Variants in CNTN5 observed in about 807,000 individuals in gnomAD.
CNTN5 encodes the protein contactin-5.
In CNTN5, 77 loss-of-function variants were observed where a neutral mutation model predicts 129.1. The observed-to-expected ratio is 0.60, with a 90% CI of 0.50 to 0.72. CNTN5 has a LOEUF of 0.72. Ranked by LOEUF, CNTN5 falls within the 30% of genes least tolerant of loss-of-function variation. CNTN5 has a pLI of 0.00. For missense variants in CNTN5, 1,478 were observed against 1,328.8 expected, an observed-to-expected ratio of 1.11 and a Z score of -1.75; for synonymous variants, 509 against 465.6, an observed-to-expected ratio of 1.09 and a Z score of -1.20.
intron 13 of CNTN5, among the ~76,000 whole-genome samples, chr11:100,125,302 G>A (rs979671437): frequency 1.3e-5 from 2 of 151,966 alleles, no homozygotes; most frequent in Non-Finnish European, 2.9e-5. Flanking sequence ...ATACCCAGTA[G>A]CTTTTCAACC....
At chr11:99,552,519 G>C (rs1422448833) in intron 2 of CNTN5, among the ~76,000 whole-genome samples, 1 of 152,056 alleles carries the variant, frequency 6.6e-6, no homozygotes, top group Non-Finnish European at 1.5e-5. Flanking sequence ...ACAGGAGGGG[G>C]CTTGCTATTT....
chr11:99,661,906 T>TA (rs1296150017), intron 3 of CNTN5, among the ~76,000 whole-genome samples: 2 of 152,076 alleles, frequency 1.3e-5, no homozygotes, highest in Non-Finnish European at 2.9e-5. Context: ...TCAATTTATG[T>TA]AGAAGCAAGA....
intron 2 of CNTN5, among the ~76,000 whole-genome samples, chr11:99,468,660 T>G (rs1306881372): frequency 6.6e-6 from 1 of 152,092 alleles, no homozygotes; most frequent in Non-Finnish European, 1.5e-5. Context: ...TCACCTTTTT[T>G]TTTTTTGGAA....
In CNTN5 at chr11:99,635,558, C is replaced by T. The variant is rs186764891; in HGVS notation, c.55+79289C>T. ...CCTTTCTGCTTGCCAATTCCTGAGT[C>T]GAGGAAGGTTTTTGTGTTCTGAGTA... On this transcript the variant is annotated intron_variant, in intron 3 of 24. Transcript: ENST00000524871. 1.1e-3 allele frequency among the ~76,000 whole-genome samples: 173 copies of T among 151,914 alleles called. 1 individual carries two copies. The highest frequency in any genetic ancestry group is 2.2e-3 in the Non-Finnish European group (147 of 68,000).
intron 9 of CNTN5, among the ~76,000 whole-genome samples, chr11:100,013,955 C>T (rs560425126): frequency 1.3e-5 from 2 of 152,056 alleles, no homozygotes; most frequent in African/African-American, 2.4e-5. Flanking sequence ...ACTAAGCATG[C>T]TCGTCATGTG....
At position 99,229,528 on chromosome 11, in the gene CNTN5, C is replaced by CAA. The variant is rs72050463; in HGVS notation, c.-209-95805_-209-95804dup. On this transcript the variant is annotated intron_variant, in intron 1 of 24. Transcript: ENST00000524871. ...GATAAAACTAAATCACAATTTTAGA[C>CAA]AAAAAAAAAAAAAAGGACACAGCAG... is the stretch of plus-strand genomic sequence containing the variant. 8.2e-3 allele frequency among the ~76,000 whole-genome samples: 939 copies of CAA among 114,172 alleles called. 11 individuals carry two copies. The highest frequency in any genetic ancestry group is 0.022 in the Middle Eastern group (5 of 226). The allele number at this position is 114,172 out of a possible 152,430, so 74.9% of individuals were successfully genotyped here.
intron 3 of CNTN5, among the ~76,000 whole-genome samples, chr11:99,606,312 CAG>C (rs1406954793): frequency 1.5e-5 from 2 of 130,992 alleles, no homozygotes; most frequent in Middle Eastern, 3.6e-3. Context: ...AACAGACAAA[CAG>C]AGAGCCAAAT....
At chr11:99,876,222 G>T in intron 6 of CNTN5, among the ~76,000 whole-genome samples, 1 of 152,112 alleles carries the variant, frequency 6.6e-6, no homozygotes, top group East Asian at 1.9e-4. Context: ...ATGGATGGTT[G>T]TTCAGGACCT....
At chr11:99,891,551 A>C (rs374065953) in intron 6 of CNTN5, among the ~76,000 whole-genome samples, 1 of 151,458 alleles carries the variant, frequency 6.6e-6, no homozygotes, top group African/African-American at 2.4e-5. Flanking sequence ...TCATTGCTCA[A>C]CTCCCACTTA....
intron 16 of CNTN5, among the ~76,000 whole-genome samples, chr11:100,236,697 T>A (rs1949621009): frequency 6.6e-6 from 1 of 152,084 alleles, no homozygotes; most frequent in South Asian, 2.1e-4. Context: ...GCCTTTCCTC[T>A]GATTGCCTGC....
intron 1 of CNTN5, among the ~76,000 whole-genome samples, chr11:99,163,141 G>A (rs1201676314): frequency 6.6e-6 from 1 of 152,070 alleles, no homozygotes; most frequent in Non-Finnish European, 1.5e-5. Context: ...TGGCTCTTGG[G>A]TAATTGGAAA....
intron 17 of CNTN5, among the ~76,000 whole-genome samples, chr11:100,259,302 C>T (rs1950146547): frequency 1.3e-5 from 2 of 152,198 alleles, no homozygotes; most frequent in South Asian, 4.1e-4. Context: ...AAAGCAAGTC[C>T]TTAGAGATCT....
chr11:99,639,233 A>T (rs980338905), intron 3 of CNTN5, among the ~76,000 whole-genome samples: 2 of 152,176 alleles, frequency 1.3e-5, no homozygotes, highest in Non-Finnish European at 2.9e-5. Flanking sequence ...GCTGGGACAC[A>T]GAGCACCAAG....
At chr11:100,286,864 T>A (rs1190289178) in intron 18 of CNTN5, among the ~76,000 whole-genome samples, 1 of 150,890 alleles carries the variant, frequency 6.6e-6, no homozygotes, top group Non-Finnish European at 1.5e-5. Context: ...TTGAAAAAAA[T>A]TTAGAAGAAT....
intron 3 of CNTN5, among the ~76,000 whole-genome samples, chr11:99,637,553 G>T (rs548583667): frequency 1.3e-5 from 2 of 152,130 alleles, no homozygotes; most frequent in African/African-American, 2.4e-5. Flanking sequence ...ACATATAGGG[G>T]TTACTGAAAA....
chr11:99,860,808 A>G (rs1263622588), intron 6 of CNTN5, among the ~76,000 whole-genome samples: 2 of 151,974 alleles, frequency 1.3e-5, no homozygotes, highest in African/African-American at 2.4e-5. Context: ...TTACATATGA[A>G]TTTTAGAATT....
Position 100,309,531 on chromosome 11 carries a change from T to G in CNTN5, c.2730+1063T>G, listed in dbSNP as rs116955053. ...CTACAATCTTGCTTCAATTAATTAT[T>G]TGGAATGATAATTTAGTATCTCATT... On this transcript the variant is annotated intron_variant, in intron 21 of 24. Coordinates refer to ENST00000524871, the MANE Select transcript of CNTN5 (RefSeq NM_014361.4). 5 of 973,792 alleles carry G rather than the reference T, an allele frequency of 5.1e-6. No individual in the cohort carries two copies. In the East Asian group the frequency reaches 5.7e-4, roughly 112 times the overall value. 60.3% of individuals were successfully genotyped at this position (973,792 alleles called of 1,614,324 possible).
chr11:99,812,736 A>G (rs1946466958), intron 3 of CNTN5, among the ~76,000 whole-genome samples: 1 of 152,108 alleles, frequency 6.6e-6, no homozygotes, highest in South Asian at 2.1e-4. Context: ...ATCTCACCCA[A>G]AAATTTCATT....
intron 8 of CNTN5, among the ~76,000 whole-genome samples, chr11:99,965,410 G>A (rs1427482076): frequency 6.6e-6 from 1 of 151,888 alleles, no homozygotes; most frequent in Non-Finnish European, 1.5e-5. Flanking sequence ...CCTTCATTTC[G>A]TTATGTACCC....
Sources: gnomAD v4.1 joint callset for allele counts (sites outside exome capture counted in the v4.1 genomes callset) on GRCh38, gnomAD v4.1.1 for gene constraint, MANE v1.5 for transcripts, NCBI Gene and HGNC (gene_info 2026-07-23, HGNC 2026-07-21) for gene names.